The following WDPCP variants were observed in gnomAD, a reference collection of about 807,000 sequenced individuals.
The protein encoded by WDPCP is WD repeat-containing and planar cell polarity effector protein fritz homolog.
A neutral mutation model predicts 93.1 loss-of-function variants in WDPCP; 71 were observed. The observed-to-expected ratio is 0.76, with a 90% CI of 0.63 to 0.93. The LOEUF is 0.93. WDPCP is among the 40% of genes least tolerant of loss of function. The pLI is 0.00. For synonymous variants in WDPCP, 315 were observed against 315.0 expected (o/e 1.00, Z 0.00); for missense variants, 844 against 887.4 (o/e 0.95, Z 0.62).
chr2:63,120,800 C>T lies in WDPCP; in HGVS notation c.*1206G>A, dbSNP rs571732939. On this transcript the variant is annotated 3_prime_UTR_variant, in exon 18 of 18. Coordinates refer to ENST00000272321, the MANE Select transcript of WDPCP (RefSeq NM_015910.7). Reference sequence around the variant, plus strand: ...TCGCCCGCCTTGGCCTCCCAAAGTGCTGGGATTACAGGCGTGAGCCACCGT... The same window carrying T: ...TCGCCCGCCTTGGCCTCCCAAAGTGTTGGGATTACAGGCGTGAGCCACCGT... Among the ~76,000 whole-genome samples, 3 of 151,978 alleles carry T rather than the reference C, an allele frequency of 2.0e-5. No homozygotes were observed. The highest frequency in any genetic ancestry group is 2.9e-5 in the Non-Finnish European group (2 of 67,966).
intron 13 of WDPCP, among the ~76,000 whole-genome samples, chr2:63,287,123 C>T (rs1684062304): frequency 6.6e-6 from 1 of 152,160 alleles, no homozygotes; most frequent in African/African-American, 2.4e-5. Flanking sequence ...TCTTCTACTT[C>T]TTGTAAGGAC....
upstream of WDPCP, among the ~76,000 whole-genome samples, chr2:63,830,931 G>A (rs554441587): frequency 9.2e-5 from 14 of 152,060 alleles, no homozygotes; most frequent in South Asian, 1.2e-3. Context: ...CTGAGGTTCC[G>A]ACTCACATCT....
At chr2:63,463,118 G>GA (rs1301278324) in intron 6 of WDPCP, among the ~76,000 whole-genome samples, 4 of 143,058 alleles carry the variant, frequency 2.8e-5, no homozygotes, top group African/African-American at 1.0e-4. Flanking sequence ...ACACGGACCT[G>GA]AAAAAGAAAT....
chr2:63,205,308 C>T (rs1676256583), intron 14 of WDPCP, among the ~76,000 whole-genome samples: 1 of 152,086 alleles, frequency 6.6e-6, no homozygotes, highest in Non-Finnish European at 1.5e-5. Flanking sequence ...TTTGGCTACT[C>T]TGCGTCTCTT....
intron 12 of WDPCP, among the ~76,000 whole-genome samples, chr2:63,340,114 T>C (rs1688731450): frequency 6.6e-6 from 1 of 152,180 alleles, no homozygotes; most frequent in African/African-American, 2.4e-5. Flanking sequence ...TCATTCCTGT[T>C]TTTTCTGTCC....
chr2:63,700,863 A>G (rs58422338), intron 2 of WDPCP, among the ~76,000 whole-genome samples: 9,374 of 152,322 alleles, frequency 0.062, 425 homozygotes, highest in African/African-American at 0.12. Flanking sequence ...ATATGCAAAA[A>G]TCAAATAAAA....
intron 13 of WDPCP, among the ~76,000 whole-genome samples, chr2:63,288,454 T>C (rs1037629374): frequency 6.6e-6 from 1 of 152,186 alleles, no homozygotes; most frequent in Non-Finnish European, 1.5e-5. Flanking sequence ...CCACACAGCA[T>C]CTATTGAGAG....
rs545085803 is a variant in WDPCP at position 63,413,969 on chromosome 2, A to C, written c.826-9312T>G. ...AATATCTAGAATCTACAACGACCTC[A>C]AACAAATCAATAAGAAAAAAAAAAT... On this transcript the variant is annotated intron_variant, in intron 9 of 17. Transcript: ENST00000272321. 1.7e-4 allele frequency among the ~76,000 whole-genome samples: 25 copies of C among 147,158 alleles called. No homozygotes were observed. The South Asian group carries it at 5.2e-3, about 31-fold the overall frequency.
intron 3 of WDPCP, among the ~76,000 whole-genome samples, chr2:63,608,647 A>G (rs1401630207): frequency 1.3e-5 from 2 of 152,058 alleles, no homozygotes; most frequent in African/African-American, 4.8e-5. Context: ...CATCTCTACA[A>G]AAAAATTTAA....
intron 2 of WDPCP, among the ~76,000 whole-genome samples, chr2:63,738,387 T>C (rs144660754): frequency 1.3e-5 from 2 of 152,108 alleles, no homozygotes; most frequent in African/African-American, 4.8e-5. Context: ...TTATCAGGGC[T>C]ACTATTGACA....
intron 6 of WDPCP, among the ~76,000 whole-genome samples, chr2:63,463,572 G>A (rs753841534): frequency 6.6e-6 from 1 of 152,072 alleles, no homozygotes; most frequent in African/African-American, 2.4e-5. Context: ...TGGAGGATTC[G>A]CATTTCCTGA....
intron 9 of WDPCP, among the ~76,000 whole-genome samples, chr2:63,431,647 C>T (rs1394495665): frequency 2.0e-5 from 3 of 151,536 alleles, no homozygotes; most frequent in Non-Finnish European, 2.9e-5. Flanking sequence ...TTCTATACTT[C>T]GTATTTAAAG....
At chr2:63,511,029 G>C (rs1032942812) in intron 1 of WDPCP, among the ~76,000 whole-genome samples, 2 of 152,096 alleles carry the variant, frequency 1.3e-5, no homozygotes, top group African/African-American at 4.8e-5. Context: ...ATCTCCTTAA[G>C]CTGATAAGCA....
chr2:63,350,685 C>T (rs1300110001), intron 12 of WDPCP, among the ~76,000 whole-genome samples: 1 of 151,964 alleles, frequency 6.6e-6, no homozygotes, highest in East Asian at 1.9e-4. Context: ...TGTAATAGTC[C>T]TTCCCACTCC....
intron 6 of WDPCP, among the ~76,000 whole-genome samples, chr2:63,483,402 T>C (rs1700383180): frequency 6.6e-6 from 1 of 151,802 alleles, no homozygotes; most frequent in Non-Finnish European, 1.5e-5. Context: ...CTAAGGCAAA[T>C]TTAAGAAGTA....
At chr2:63,443,980 G>A (rs1300881030) in intron 6 of WDPCP, among the ~76,000 whole-genome samples, 1 of 152,154 alleles carries the variant, frequency 6.6e-6, no homozygotes, top group East Asian at 1.9e-4. Flanking sequence ...GGACATACCA[G>A]TGGAGAGATC....
At chr2:63,405,566 TG>T (rs1694506990) in intron 9 of WDPCP, among the ~76,000 whole-genome samples, 1 of 150,754 alleles carries the variant, frequency 6.6e-6, no homozygotes, top group Non-Finnish European at 1.5e-5. Flanking sequence ...TGTGTGTGTG[TG>T]TGTGTGTGTG....
At chr2:63,620,756 A>T (rs1372844563) in intron 3 of WDPCP, among the ~76,000 whole-genome samples, 2 of 152,100 alleles carry the variant, frequency 1.3e-5, no homozygotes, top group African/African-American at 2.4e-5. Flanking sequence ...GGGTCAACAG[A>T]CATAAAGGAG....
At chr2:63,467,031 T>G (rs1699385912) in intron 6 of WDPCP, among the ~76,000 whole-genome samples, 1 of 151,722 alleles carries the variant, frequency 6.6e-6, no homozygotes, top group African/African-American at 2.4e-5. Flanking sequence ...GACCAAGTGT[T>G]TCTTTGTGTC....
Sources: gnomAD v4.1 joint callset for allele counts (sites outside exome capture counted in the v4.1 genomes callset) on GRCh38, gnomAD v4.1.1 for gene constraint, MANE v1.5 for transcripts, NCBI Gene and HGNC (gene_info 2026-07-23, HGNC 2026-07-21) for gene names.